Variants in BDP1 observed in about 807,000 individuals in gnomAD.
BDP1 encodes BDP1 general transcription factor IIIB subunit.
In BDP1, 169 loss-of-function variants were observed where a neutral mutation model predicts 266.6. The ratio of observed to expected loss-of-function variants is 0.63; its 90% confidence interval spans 0.56 to 0.72. The LOEUF (loss-of-function observed/expected upper bound fraction) is 0.72, where lower values mean the gene tolerates loss of function less well. Among genes scored for constraint, BDP1 ranks in the 30% least tolerant of loss-of-function variants. The pLI is 0.00. For synonymous variants in BDP1, 1,090 were observed against 1,022.4 expected (o/e 1.07, Z -1.26); for missense variants, 3,015 against 3,053.8 (o/e 0.99, Z 0.30).
chr5:71,477,609 TCAGA>T (rs1762669272), intron 7 of BDP1, among the ~76,000 whole-genome samples: 1 of 151,416 alleles, frequency 6.6e-6, no homozygotes, highest in Admixed American at 6.6e-5. Context: ...TGACCCATGT[TCAGA>T]CAAATTTTTT....
At chr5:71,485,355 A>C (rs1763204485) in intron 8 of BDP1, among the ~76,000 whole-genome samples, 1 of 152,066 alleles carries the variant, frequency 6.6e-6, no homozygotes, top group African/African-American at 2.4e-5. Context: ...AACCTATATA[A>C]GTTTTTTGAG....
At chr5:71,544,949 G>T in intron 31 of BDP1, 90 bp from the exon 32 acceptor site, 42 of 767,956 alleles carry the variant, frequency 5.5e-5, no homozygotes, top group East Asian at 1.2e-4. Context: ...GAAAACCATT[G>T]AATTAGATGA....
At chr5:71,563,960 T>C (rs1743855423) in intron 38 of BDP1, among the ~76,000 whole-genome samples, 1 of 152,206 alleles carries the variant, frequency 6.6e-6, no homozygotes, top group Non-Finnish European at 1.5e-5. Flanking sequence ...ATTATAAAAG[T>C]GTTTTTCCAT....
intron 34 of BDP1, among the ~76,000 whole-genome samples, chr5:71,552,708 C>T (rs528229820): frequency 6.6e-6 from 1 of 152,372 alleles, no homozygotes; most frequent in East Asian, 1.9e-4. Flanking sequence ...CAATCGCAGG[C>T]ACTCGGCAGG....
intron 28 of BDP1, among the ~76,000 whole-genome samples, chr5:71,540,574 C>T (rs182818443): frequency 1.2e-4 from 19 of 152,252 alleles, no homozygotes; most frequent in Non-Finnish European, 2.2e-4. Context: ...GTGATCCACC[C>T]GTCTTGGCCT....
downstream of BDP1, among the ~76,000 whole-genome samples, chr5:71,570,188 C>G (rs563901598): frequency 1.3e-5 from 2 of 152,300 alleles, no homozygotes; most frequent in East Asian, 3.9e-4. Context: ...AACTGGATCA[C>G]AGAGGCTTTT....
chr5:71,566,051 C>G lies in BDP1; in HGVS notation c.*1166C>G, dbSNP rs1277096380. 4.8e-6 allele frequency: 1 copy of G among 208,172 alleles called. No individual in the cohort carries two copies. The highest frequency in any genetic ancestry group is 2.4e-5 in the African/African-American group (1 of 42,150). The allele number at this position is 208,172 out of a possible 1,614,324, so 12.9% of individuals were successfully genotyped here. A position where few individuals can be genotyped will look rare whatever the true frequency, so the allele number is the denominator to read the frequency against. The stretch of plus-strand genomic sequence containing the variant: ...TTTAAAGATATTTAAAATGATATAA[C>G]TAAAAATGTTTAGCTGGTGTATATG... On this transcript the variant is annotated 3_prime_UTR_variant, in exon 39 of 39. Transcript: ENST00000358731.
chr5:71,570,691 T>G (rs1386995673), downstream of BDP1, among the ~76,000 whole-genome samples: 1 of 152,266 alleles, frequency 6.6e-6, no homozygotes, highest in Non-Finnish European at 1.5e-5. Context: ...CTGCCTGGCT[T>G]CTTCCAGTAT....
chr5:71,571,553 A>G (rs145470724), downstream of BDP1, among the ~76,000 whole-genome samples: 3,807 of 152,248 alleles, frequency 0.025, 73 homozygotes, highest in South Asian at 0.074. Context: ...CTTCCTCTGT[A>G]TAGTAGTGAG....
chr5:71,532,423 CG>C lies in BDP1; in HGVS notation c.5889del (p.Phe1964LeufsTer3), dbSNP rs1766302118. The C allele has an allele frequency of 6.2e-7, 1 of 1,612,418 alleles. No homozygotes were observed. Among genetic ancestry groups the C allele is most frequent in the Non-Finnish European group, 8.5e-7 (1 of 1,179,342 alleles). On this transcript the variant is annotated frameshift_variant, in exon 26 of 39. Transcript: ENST00000358731. LOFTEE classifies it high-confidence loss of function. ...EMKQEENLSV[P>X]FEMTTSEHIQ... ...AAACAAGAAGAAAATTTGAGTGTAC[CG>C]TTTGTAAGCATCCATTTTAATATGT...
intron 12 of BDP1, among the ~76,000 whole-genome samples, chr5:71,496,438 A>T (rs1182658753): frequency 7.2e-5 from 10 of 138,664 alleles, no homozygotes; most frequent in South Asian, 4.6e-4. Flanking sequence ...ACATTTATGA[A>T]TTTTTTTTTT....
chr5:71,549,681 C>T, intron 34 of BDP1, 75 bp downstream of exon 34: 1 of 1,195,866 alleles, frequency 8.4e-7, no homozygotes, highest in South Asian at 2.0e-5. Flanking sequence ...TTGAACAAAC[C>T]ATTCACCAAT....
Position 71,545,217 on chromosome 5 carries a change from G to C in BDP1, c.6742G>C (p.Glu2248Gln), listed in dbSNP as rs2150572409. ...CAGTGTGCTTACACTTCCTGTGCCA[G>C]AGGTAAAAGAATGTACAGTATAATA... ...GDSVLTLPVPEYTPTSIPEVQ... is the reference protein window; with the variant it reads ...GDSVLTLPVPQYTPTSIPEVQ... The change falls in exon 32 of 39, where the codon GAG (glutamate) becomes CAG (glutamine). Residue 2248 changes from glutamate to glutamine, a missense_variant and splice_region_variant. This residue lies in a region of BDP1 where 629 missense variants were observed against 632.5 expected (regional missense o/e 0.99). Transcript: ENST00000358731. 6.2e-7 allele frequency: 1 copy of C among 1,612,368 alleles called. No homozygotes were observed. Among genetic ancestry groups the C allele is most frequent in the East Asian group, 2.2e-5 (1 of 44,856 alleles).
At chr5:71,464,988 A>G (rs1258001195) in intron 4 of BDP1, among the ~76,000 whole-genome samples, 2 of 151,974 alleles carry the variant, frequency 1.3e-5, no homozygotes, top group Non-Finnish European at 2.9e-5. Flanking sequence ...AAGTGCTGGG[A>G]TTACAGGTGT....
chr5:71,505,858 C>G lies in BDP1; in HGVS notation c.2372+1107C>G, dbSNP rs796625967. On this transcript the variant is annotated intron_variant, in intron 16 of 38. Coordinates refer to ENST00000358731, the MANE Select transcript of BDP1 (RefSeq NM_018429.3). ...CCAGGGCAACAAAGTGAGACAGACT[C>G]CTGTCCCTCCAAAAAAGAAAAGTAC... Among the ~76,000 whole-genome samples the G allele has an allele frequency of 4.5e-4, 69 of 152,294 alleles. 1 individual carries two copies. Among genetic ancestry groups the G allele is most frequent in the African/African-American group, 1.6e-3 (68 of 41,550 alleles).
At chr5:71,541,098 A>G (rs1766936822) in intron 28 of BDP1, among the ~76,000 whole-genome samples, 1 of 150,618 alleles carries the variant, frequency 6.6e-6, no homozygotes, top group Non-Finnish European at 1.5e-5. Flanking sequence ...CATATAGAAC[A>G]TAAAGGTTTT....
In BDP1 at chr5:71,510,871, G is replaced by C. The variant is rs756154772; in HGVS notation, c.3779G>C (p.Arg1260Thr). The C allele has an allele frequency of 5.0e-6, 8 of 1,613,560 alleles. No individual in the cohort carries two copies. In the Admixed American group the frequency reaches 5.0e-5, roughly 10 times the overall value. ...ATTGATTTGAAAGAAACTGGAAAAA[G>C]AGACATTCCCATCATGGAGAAAGTA... Reference protein sequence around the residue: ...KEIDLKETGKRDIPIMEKVSG... With the variant: ...KEIDLKETGKTDIPIMEKVSG... Residue 1260 changes from arginine (R) to threonine (T), a missense_variant, in exon 17 of 39, where the codon AGA (arginine) becomes ACA (threonine). Around this residue, in one of 3 missense-constraint regions of BDP1, gnomAD observed 2,383 missense variants for 2,404.9 expected, o/e 0.99. Coordinates refer to ENST00000358731, the MANE Select transcript of BDP1 (RefSeq NM_018429.3).
chr5:71,530,610 C>T (rs1260487929), intron 25 of BDP1, among the ~76,000 whole-genome samples: 1 of 151,982 alleles, frequency 6.6e-6, no homozygotes, highest in Non-Finnish European at 1.5e-5. Context: ...GCCTCAAACT[C>T]CTAGGCTCAA....
At chr5:71,480,934 T>C (rs1470650417) in intron 7 of BDP1, among the ~76,000 whole-genome samples, 2 of 152,078 alleles carry the variant, frequency 1.3e-5, no homozygotes, top group Non-Finnish European at 2.9e-5. Context: ...CCCAACACTT[T>C]GGGAGGCCAA....
Sources: gnomAD v4.1 joint callset for allele counts (sites outside exome capture counted in the v4.1 genomes callset) on GRCh38, gnomAD v4.1.1 for gene constraint, gnomAD v4.1.1 regional missense constraint, MANE v1.5 for transcripts, NCBI Gene and HGNC (gene_info 2026-07-23, HGNC 2026-07-21) for gene names.